Variants in PTPRT observed in about 807,000 individuals in gnomAD.
PTPRT encodes protein tyrosine phosphatase receptor type T.
Under a neutral mutation model 176.8 loss-of-function variants are expected in PTPRT, and 56 were observed. The ratio of observed to expected loss-of-function variants is 0.32; its 90% confidence interval spans 0.26 to 0.40. The LOEUF is 0.40. Ranked by LOEUF, PTPRT falls within the 10% of genes least tolerant of loss-of-function variation. The pLI, the probability that PTPRT is intolerant of heterozygous loss-of-function variation, is 1.00. For synonymous variants in PTPRT, 783 were observed against 739.0 expected (o/e 1.06, Z -0.96); for missense variants, 1,540 against 1,908.2 (o/e 0.81, Z 3.60).
chr20:42,080,224 C>T lies in PTPRT; in HGVS notation c.*655G>A, dbSNP rs79465680. On this transcript the variant is annotated 3_prime_UTR_variant, in exon 31 of 31. Transcript: ENST00000373187. ...CAAAAACTGCTGTGGACACAGCTGG[C>T]CGGCCAGTGAATGCTGGACGGTCAA... The T allele has an allele frequency of 2.4e-3, 563 of 233,050 alleles. 4 individuals carry two copies. Among genetic ancestry groups the T allele is most frequent in the African/African-American group, 0.011 (512 of 45,460 alleles). 14.4% of individuals were successfully genotyped at this position (233,050 alleles called of 1,614,324 possible). A position where few individuals can be genotyped will look rare whatever the true frequency, so the allele number is the denominator to read the frequency against.
rs1457381829 is a variant in PTPRT at position 43,048,341 on chromosome 20, G to A, written c.88+141305C>T. On this transcript the variant is annotated intron_variant, in intron 1 of 30. Transcript: ENST00000373187. ...AGCCCTGGCTGGGGAGACTGTCAGG[G>A]GTCCAGTGGTTATTAAGTCCCTTTC... 2.0e-5 allele frequency among the ~76,000 whole-genome samples: 3 copies of A among 152,160 alleles called. No homozygotes were observed. In the East Asian group the frequency reaches 5.8e-4, roughly 29 times the overall value.
At chr20:42,965,901 C>A (rs1275420127) in intron 1 of PTPRT, among the ~76,000 whole-genome samples, 1 of 152,140 alleles carries the variant, frequency 6.6e-6, no homozygotes, top group Non-Finnish European at 1.5e-5. Context: ...TAGGAAAATT[C>A]TACAACAACA....
intron 6 of PTPRT, among the ~76,000 whole-genome samples, chr20:42,698,421 C>T (rs995111316): frequency 6.6e-6 from 1 of 152,156 alleles, no homozygotes; most frequent in Non-Finnish European, 1.5e-5. Context: ...TGGCAAACGC[C>T]TGGGTCCCTC....
chr20:42,095,777 G>A (rs894337315), intron 27 of PTPRT, among the ~76,000 whole-genome samples: 7 of 152,146 alleles, frequency 4.6e-5, no homozygotes, highest in African/African-American at 1.7e-4. Flanking sequence ...CTTTGTCTGT[G>A]TTGCTCAGTG....
At chr20:42,494,167 T>C (rs189333432) in intron 7 of PTPRT, among the ~76,000 whole-genome samples, 2 of 152,318 alleles carry the variant, frequency 1.3e-5, no homozygotes, top group Admixed American at 1.3e-4. Context: ...GGCTGTATAT[T>C]ATGGTTAGAG....
intron 1 of PTPRT, among the ~76,000 whole-genome samples, chr20:43,022,077 G>A (rs2146178676): frequency 6.6e-6 from 1 of 152,330 alleles, no homozygotes; most frequent in African/African-American, 2.4e-5. Flanking sequence ...ACTCCATCGT[G>A]TGGTCACTCA....
intron 7 of PTPRT, among the ~76,000 whole-genome samples, chr20:42,657,042 A>G (rs1223857163): frequency 1.3e-5 from 2 of 152,132 alleles, no homozygotes; most frequent in East Asian, 1.9e-4. Flanking sequence ...TAATTGAATC[A>G]TGGGAGTGGT....
chr20:42,479,616 T>A (rs1472822791), intron 7 of PTPRT, among the ~76,000 whole-genome samples: 1 of 152,240 alleles, frequency 6.6e-6, no homozygotes, highest in Non-Finnish European at 1.5e-5. Flanking sequence ...TTATTGCAGA[T>A]GTTTGGTGGA....
At chr20:42,744,334 T>C (rs933543891) in intron 6 of PTPRT, among the ~76,000 whole-genome samples, 2 of 152,160 alleles carry the variant, frequency 1.3e-5, no homozygotes, top group African/African-American at 4.8e-5. Context: ...ATTTGTAAAG[T>C]CTACATCAAG....
chr20:42,106,276 GTTGCCTAAAGGTCTGCT>G (rs1269691637), intron 24 of PTPRT, among the ~76,000 whole-genome samples: 1 of 152,180 alleles, frequency 6.6e-6, no homozygotes, highest in Non-Finnish European at 1.5e-5. Flanking sequence ...TGCACAGAGA[GTTGCCTAAAGGTCTGCT>G]TCTCCCTTGA....
intron 1 of PTPRT, among the ~76,000 whole-genome samples, chr20:42,930,335 C>A (rs1049506891): frequency 2.6e-5 from 4 of 152,146 alleles, no homozygotes; most frequent in African/African-American, 7.2e-5. Context: ...AAGATTTGGG[C>A]CCCTGGACAT....
intron 14 of PTPRT, among the ~76,000 whole-genome samples, chr20:42,245,127 C>T (rs1371594308): frequency 6.6e-6 from 1 of 152,162 alleles, no homozygotes; most frequent in East Asian, 1.9e-4. Flanking sequence ...ACATTCAGAA[C>T]TCTAGATGTG....
intron 7 of PTPRT, among the ~76,000 whole-genome samples, chr20:42,552,736 A>T (rs1355731100): frequency 6.6e-6 from 1 of 152,176 alleles, no homozygotes; most frequent in Admixed American, 6.5e-5. Context: ...CTGTTCTTAC[A>T]AATCAATGAG....
At chr20:42,394,617 T>C (rs1367775270) in intron 9 of PTPRT, among the ~76,000 whole-genome samples, 4 of 152,242 alleles carry the variant, frequency 2.6e-5, no homozygotes, top group African/African-American at 2.4e-5. Flanking sequence ...ATTGGATACC[T>C]TGTTATATGA....
At chr20:42,296,779 A>G (rs2057393785) in intron 12 of PTPRT, among the ~76,000 whole-genome samples, 1 of 152,214 alleles carries the variant, frequency 6.6e-6, no homozygotes, top group African/African-American at 2.4e-5. Flanking sequence ...CAACAAACAT[A>G]GTCAATAATA....
At chr20:43,077,303 G>A (rs2011305164) in intron 1 of PTPRT, among the ~76,000 whole-genome samples, 1 of 152,168 alleles carries the variant, frequency 6.6e-6, no homozygotes, top group Non-Finnish European at 1.5e-5. Context: ...TCCCCCACTT[G>A]TCAATCTGAA....
chr20:42,102,514 C>T (rs1034534205), intron 25 of PTPRT, among the ~76,000 whole-genome samples: 18 of 152,118 alleles, frequency 1.2e-4, no homozygotes, highest in African/African-American at 3.1e-4. Flanking sequence ...ACCTTCAAAA[C>T]GCCAAGGCTG....
In PTPRT at chr20:42,905,885, G is replaced by C. The variant is rs551308126; in HGVS notation, c.89-19953C>G. Reference sequence around the variant, plus strand: ...TGAACAATGAGATCATTTGGACACAGAGCAGGGAACATCACACACTGGGGC... The same window carrying C: ...TGAACAATGAGATCATTTGGACACACAGCAGGGAACATCACACACTGGGGC... On this transcript the variant is annotated intron_variant, in intron 1 of 30. Coordinates refer to ENST00000373187, the MANE Select transcript of PTPRT (RefSeq NM_007050.6). Among the ~76,000 whole-genome samples the C allele has an allele frequency of 5.5e-5, 8 of 146,400 alleles. No homozygotes were observed. In the South Asian group the frequency reaches 1.6e-3, roughly 30 times the overall value.
chr20:42,940,341 G>A (rs2145991012), intron 1 of PTPRT, among the ~76,000 whole-genome samples: 1 of 152,310 alleles, frequency 6.6e-6, no homozygotes, highest in Middle Eastern at 3.4e-3. Flanking sequence ...CTTTGATGTT[G>A]TCAAAGAGCT....
Sources: allele counts gnomAD v4.1 joint callset (sites outside exome capture counted in the v4.1 genomes callset), GRCh38; gene constraint gnomAD v4.1.1; transcripts MANE v1.5; gene names NCBI Gene and HGNC (gene_info 2026-07-23, HGNC 2026-07-21).